MAF: variants seen among roughly 807,000 people sequenced by gnomAD.
MAF encodes the protein transcription factor Maf.
MAF carries 10 observed loss-of-function variants against 22.0 expected under a neutral mutation model. That is an observed-to-expected ratio of 0.45 (90% CI 0.28 to 0.77). The LOEUF (loss-of-function observed/expected upper bound fraction) is 0.77, where lower values mean the gene tolerates loss of function less well. MAF is among the 30% of genes least tolerant of loss of function. The pLI, the probability that MAF is intolerant of heterozygous loss-of-function variation, is 0.12. For synonymous variants in MAF, 337 were observed against 255.8 expected, an observed-to-expected ratio of 1.32 and a Z score of -3.03; for missense variants, 544 against 548.4, an observed-to-expected ratio of 0.99 and a Z score of 0.08.
the MAF span, among the ~76,000 whole-genome samples, chr16:79,230,705 C>T: frequency 1.3e-5 from 2 of 152,064 alleles, no homozygotes; most frequent in Admixed American, 6.5e-5. Context: ...GGCTTGCTAC[C>T]AATTCCATTT....
At chr16:79,390,819 G>A in the MAF span, among the ~76,000 whole-genome samples, 2 of 152,176 alleles carry the variant, frequency 1.3e-5, no homozygotes, top group Non-Finnish European at 2.9e-5. Context: ...GGTCCAGGTT[G>A]GAGCATGCCG....
chr16:79,391,849 A>C, the MAF span, among the ~76,000 whole-genome samples: 1 of 150,014 alleles, frequency 6.7e-6, no homozygotes, highest in Non-Finnish European at 1.5e-5. Flanking sequence ...AGTGGGGGAA[A>C]GAGAGAGAAG....
At chr16:79,580,496 G>C in the MAF span, among the ~76,000 whole-genome samples, 1 of 152,164 alleles carries the variant, frequency 6.6e-6, no homozygotes, top group South Asian at 2.1e-4. Context: ...TGGTTCCGCT[G>C]GATTAGAAAA....
At chr16:79,404,201 G>T in the MAF span, among the ~76,000 whole-genome samples, 1 of 125,228 alleles carries the variant, frequency 8.0e-6, no homozygotes, top group Admixed American at 9.5e-5. Flanking sequence ...GTCTCATTCT[G>T]TCTCCAGGCT....
chr16:79,469,513 G>C, the MAF span, among the ~76,000 whole-genome samples: 1 of 152,268 alleles, frequency 6.6e-6, no homozygotes, highest in South Asian at 2.1e-4. Context: ...GTATGAAGAT[G>C]AAACAAATTA....
At chr16:79,299,132 G>A in the MAF span, among the ~76,000 whole-genome samples, 2 of 152,060 alleles carry the variant, frequency 1.3e-5, no homozygotes, top group African/African-American at 4.8e-5. Context: ...TCCCTCCTCT[G>A]CTGTCATTTT....
the MAF span, among the ~76,000 whole-genome samples, chr16:79,352,978 G>T: frequency 6.6e-6 from 1 of 152,086 alleles, no homozygotes; most frequent in Non-Finnish European, 1.5e-5. Flanking sequence ...TTCAAAATTT[G>T]TAACTTTTGG....
chr16:79,451,869 A>G, the MAF span, among the ~76,000 whole-genome samples: 11 of 152,212 alleles, frequency 7.2e-5, 1 homozygote, highest in African/African-American at 2.7e-4. Context: ...GAAGCCATAC[A>G]ACTATATTCA....
chr16:79,302,034 T>A, the MAF span, among the ~76,000 whole-genome samples: 1 of 152,126 alleles, frequency 6.6e-6, no homozygotes, highest in Non-Finnish European at 1.5e-5. Context: ...ATGACCTAGG[T>A]CATCCAGATG....
chr16:79,597,696 A>G (rs535589329), intron 1 of MAF: 2 of 1,020,588 alleles, frequency 2.0e-6, no homozygotes, highest in African/African-American at 3.4e-5. Flanking sequence ...AGGCAATAAA[A>G]CAAAAGTATG....
chr16:79,551,781 T>G, the MAF span, among the ~76,000 whole-genome samples: 1 of 152,228 alleles, frequency 6.6e-6, no homozygotes, highest in African/African-American at 2.4e-5. Flanking sequence ...CATTCATTTA[T>G]CTATCATCCA....
At chr16:79,514,702 T>C in the MAF span, among the ~76,000 whole-genome samples, 1 of 152,186 alleles carries the variant, frequency 6.6e-6, no homozygotes, top group Non-Finnish European at 1.5e-5. Context: ...TCCTTCTCTA[T>C]CCAATTCTGT....
At chr16:79,512,298 C>T in the MAF span, among the ~76,000 whole-genome samples, 2 of 152,170 alleles carry the variant, frequency 1.3e-5, no homozygotes, top group Non-Finnish European at 2.9e-5. Context: ...AGTCGTTTCT[C>T]CACGAAGCCA....
At chr16:79,325,598 AACAC>A in the MAF span, among the ~76,000 whole-genome samples, 4,490 of 145,578 alleles carry the variant, frequency 0.031, 200 homozygotes, top group African/African-American at 0.098. Context: ...CCCAGACACA[AACAC>A]ACACACACAC....
the MAF span, among the ~76,000 whole-genome samples, chr16:79,267,882 T>A: frequency 6.7e-6 from 1 of 149,520 alleles, no homozygotes; most frequent in Non-Finnish European, 1.5e-5. Context: ...GGAGTGAGGA[T>A]GGGGTGGGCT....
the MAF span, among the ~76,000 whole-genome samples, chr16:79,433,971 G>A: frequency 6.6e-6 from 1 of 152,016 alleles, no homozygotes; most frequent in Non-Finnish European, 1.5e-5. Flanking sequence ...TCTTCTACCA[G>A]GCCCCACCAC....
the MAF span, among the ~76,000 whole-genome samples, chr16:79,560,348 T>C: frequency 4.8e-3 from 722 of 151,944 alleles, 6 homozygotes; most frequent in African/African-American, 0.016. Flanking sequence ...TAAGCCTCCA[T>C]CTGGACATTT....
At chr16:79,439,030 A>G in the MAF span, among the ~76,000 whole-genome samples, 97 of 152,214 alleles carry the variant, frequency 6.4e-4, no homozygotes, top group African/African-American at 2.3e-3. Context: ...AGCCCCTTCT[A>G]TCTTAAAGAT....
the MAF span, among the ~76,000 whole-genome samples, chr16:79,481,308 A>C: frequency 0.04 from 6,111 of 152,028 alleles, 432 homozygotes; most frequent in African/African-American, 0.14. Flanking sequence ...TAAAGTGAGA[A>C]GTTTAATGGG....
Sources: allele counts gnomAD v4.1 joint callset (sites outside exome capture counted in the v4.1 genomes callset), GRCh38; gene constraint gnomAD v4.1.1; transcripts MANE v1.5; gene names NCBI Gene and HGNC (gene_info 2026-07-23, HGNC 2026-07-21).